Variants in PNKD observed in about 807,000 individuals in gnomAD.
PNKD encodes the protein PNKD metallo-beta-lactamase domain containing, also known as probable thioesterase PNKD.
In PNKD, 36 loss-of-function variants were observed where a neutral mutation model predicts 45.3. That is an observed-to-expected ratio of 0.80 (90% confidence interval 0.61 to 1.05). The LOEUF is 1.05. Ranked by LOEUF, PNKD falls within the 50% of genes least tolerant of loss-of-function variation. PNKD has a pLI of 0.00. For synonymous variants in PNKD, 197 were observed against 210.1 expected (o/e 0.94, Z 0.54); for missense variants, 511 against 506.6 (o/e 1.01, Z -0.08).
intron 2 of PNKD, among the ~76,000 whole-genome samples, chr2:218,307,913 A>G (rs982066444): frequency 6.6e-6 from 1 of 152,102 alleles, no homozygotes; most frequent in Non-Finnish European, 1.5e-5. Flanking sequence ...ACAATGACAA[A>G]TGGGTTTGAC....
At chr2:218,335,891 C>T (rs954134302) in intron 2 of PNKD, among the ~76,000 whole-genome samples, 8 of 152,276 alleles carry the variant, frequency 5.3e-5, no homozygotes, top group African/African-American at 1.7e-4. Flanking sequence ...AGCGGCTGCC[C>T]CTGCTCCCAC....
chr2:218,296,570 C>T (rs991667070), intron 2 of PNKD, among the ~76,000 whole-genome samples: 1 of 152,186 alleles, frequency 6.6e-6, no homozygotes, highest in Non-Finnish European at 1.5e-5. Context: ...GTCCTCCAAA[C>T]CCTTCTCATA....
intron 2 of PNKD, chr2:218,277,659 C>T (rs961344365): frequency 1.2e-6 from 2 of 1,614,140 alleles, no homozygotes; most frequent in Non-Finnish European, 1.7e-6. Flanking sequence ...TCATGAAGCC[C>T]ATGGCAAAAG....
chr2:218,286,241 T>C (rs1475539460), intron 2 of PNKD: 3 of 152,026 alleles, frequency 2.0e-5, no homozygotes, highest in Non-Finnish European at 2.9e-5. Flanking sequence ...GGTTTCACCA[T>C]GTTGGCCAGG....
intron 2 of PNKD, chr2:218,278,343 AACAC>A: frequency 1.5e-6 from 1 of 686,268 alleles, no homozygotes; most frequent in Non-Finnish European, 2.5e-6. Context: ...TTAGCTCCTA[AACAC>A]ACATGGTCCT....
At position 218,340,153 on chromosome 2, in the gene PNKD, G is replaced by C; in HGVS notation, c.465+12G>C. On this transcript the variant is annotated intron_variant, in intron 4 of 9. Transcript: ENST00000273077. The surrounding 1 kb of genome is among the most constrained non-coding windows in gnomAD (Gnocchi z 4.2). ...CTCGGGCTGTGCAGGTGAGGGGAGG[G>C]CAGGGAGCAGGGGGTGCCTGGAGTC... 1 of 1,539,426 alleles carries C rather than the reference G, an allele frequency of 6.5e-7. No homozygotes were observed. The highest frequency in any genetic ancestry group is 1.1e-5 in the South Asian group (1 of 89,682).
intron 7 of PNKD, 135 bp downstream of exon 7, chr2:218,342,279 T>A: frequency 1.3e-6 from 1 of 749,986 alleles, no homozygotes; most frequent in Non-Finnish European, 2.3e-6. Context: ...CCATCTGTGT[T>A]ACTCAGATTG....
chr2:218,341,481 G>A lies in PNKD; in HGVS notation c.525-53G>A, dbSNP rs1473517677. ...TGGAGATGCTGTGGTAAAGAAGGGG[G>A]CTTAGGTACAGTTGCCCCTCGAAGC... On this transcript the variant is annotated intron_variant, in intron 5 of 9. Coordinates refer to ENST00000273077, the MANE Select transcript of PNKD (RefSeq NM_015488.5). The A allele has an allele frequency of 9.2e-6, 11 of 1,193,814 alleles. No individual in the cohort carries two copies. The East Asian group carries it at 2.8e-4, about 31-fold the overall frequency. The allele number at this position is 1,193,814 out of a possible 1,614,324, so 74.0% of individuals were successfully genotyped here.
Position 218,340,045 on chromosome 2 carries a change from C to G in PNKD, c.369C>G (p.Pro123=). ...PRLFNGVKVL[P]IPVLSDNYSY... ...TGTCCCCAGGAGTGAAGGTGCTTCC[C>G]ATCCCTGTCCTCTCGGACAACTACA... The change falls in exon 4 of 10, where the codon CCC becomes CCG. Residue 123 remains proline, a synonymous_variant. Coordinates refer to ENST00000273077, the MANE Select transcript of PNKD (RefSeq NM_015488.5). The surrounding 1 kb of genome is among the most constrained non-coding windows in gnomAD (Gnocchi z 4.2). 1 of 1,611,960 alleles carries G rather than the reference C, an allele frequency of 6.2e-7. No individual in the cohort carries two copies. Among genetic ancestry groups the G allele is most frequent in the Non-Finnish European group, 8.5e-7 (1 of 1,178,046 alleles).
At chr2:218,273,161 A>T (rs1025179158) in intron 2 of PNKD, among the ~76,000 whole-genome samples, 2 of 152,250 alleles carry the variant, frequency 1.3e-5, no homozygotes, top group African/African-American at 2.4e-5. Flanking sequence ...CCTTGAAACA[A>T]TAAAGAGAAT....
intron 7 of PNKD, among the ~76,000 whole-genome samples, chr2:218,342,558 G>A (rs1026363947): frequency 5.3e-5 from 8 of 151,744 alleles, no homozygotes; most frequent in South Asian, 2.1e-4. Flanking sequence ...AAATTAGCCG[G>A]GCATGGTGGT....
intron 8 of PNKD, among the ~76,000 whole-genome samples, chr2:218,344,162 A>G (rs1694761170): frequency 1.3e-5 from 2 of 152,216 alleles, no homozygotes; most frequent in Non-Finnish European, 2.9e-5. Flanking sequence ...GAGAGGGGCC[A>G]TGACTAGACC....
At chr2:218,342,462 G>A (rs1694708477) in intron 7 of PNKD, among the ~76,000 whole-genome samples, 1 of 152,154 alleles carries the variant, frequency 6.6e-6, no homozygotes, top group African/African-American at 2.4e-5. Flanking sequence ...CACTTTGGGA[G>A]GCTGAGGTGG....
chr2:218,303,971 C>T (rs1380643118), intron 2 of PNKD, among the ~76,000 whole-genome samples: 5 of 152,104 alleles, frequency 3.3e-5, no homozygotes, highest in African/African-American at 1.2e-4. Context: ...CCTATGGACA[C>T]CTCAGTGGGC....
At chr2:218,281,130 T>TTTTATTTTTTTTGG (rs143489589) in intron 2 of PNKD, 1 of 117,346 alleles carries the variant, frequency 8.5e-6, no homozygotes. Flanking sequence ...TTGTTTTTTG[T>TTTTATTTTTTTTGG]TTTTTTTTTG....
chr2:218,341,417 G>T, intron 5 of PNKD, 117 bp from the exon 6 acceptor site: 1 of 652,876 alleles, frequency 1.5e-6, no homozygotes, highest in South Asian at 1.9e-5. Context: ...TGGACAACTT[G>T]GCTTAGTCCA....
At chr2:218,329,266 A>G (rs976765542) in intron 2 of PNKD, among the ~76,000 whole-genome samples, 11 of 152,160 alleles carry the variant, frequency 7.2e-5, no homozygotes, top group African/African-American at 2.7e-4. Flanking sequence ...CTCCACTAGA[A>G]CCCTGTGTCC....
At chr2:218,306,902 T>C (rs1040761057) in intron 2 of PNKD, among the ~76,000 whole-genome samples, 7 of 152,214 alleles carry the variant, frequency 4.6e-5, no homozygotes, top group Non-Finnish European at 1.0e-4. Context: ...ACTTATAGAG[T>C]GGTTACATCC....
At chr2:218,280,190 T>C in intron 2 of PNKD, 1 of 1,166,620 alleles carries the variant, frequency 8.6e-7, no homozygotes, top group South Asian at 1.2e-5. Context: ...TCCCAAAGCC[T>C]CCCTGACAAT....
Sources: gnomAD v4.1 joint callset for allele counts (sites outside exome capture counted in the v4.1 genomes callset) on GRCh38, gnomAD v4.1.1 for gene constraint, Gnocchi (gnomAD v3.1) non-coding constraint, MANE v1.5 for transcripts, NCBI Gene and HGNC (gene_info 2026-07-23, HGNC 2026-07-21) for gene names.